UBE2K: variants seen among roughly 807,000 people sequenced by gnomAD.
UBE2K encodes the protein ubiquitin conjugating enzyme E2 K, also known as ubiquitin-conjugating enzyme E2 K.
In UBE2K, 6 loss-of-function variants were observed where a neutral mutation model predicts 30.0. The observed-to-expected ratio is 0.20, with a 90% CI of 0.11 to 0.39. The LOEUF (loss-of-function observed/expected upper bound fraction) is 0.39. Ranked by LOEUF, UBE2K falls within the 10% of genes least tolerant of loss-of-function variation. The probability of loss-of-function intolerance (pLI) is 1.00; values close to 1 mark genes in which losing one functional copy is unlikely to be tolerated. For synonymous variants in UBE2K, 86 were observed against 83.7 expected, an observed-to-expected ratio of 1.03 and a Z score of -0.15; for missense variants, 61 against 241.6, an observed-to-expected ratio of 0.25 and a Z score of 4.96.
At position 39,698,277 on chromosome 4, in the gene UBE2K, G is replaced by A. The variant is rs1385951028; in HGVS notation, c.-51G>A. 1.3e-6 allele frequency: 2 copies of A among 1,574,044 alleles called. No individual in the cohort carries two copies. Among genetic ancestry groups the A allele is most frequent in the Non-Finnish European group, 1.7e-6 (2 of 1,153,544 alleles). ...AGGAAGAGGTGGCGGCGGTGGCGGT[G>A]GTCGTAGCGGTGGCGGAGGAGGCGG... On this transcript the variant is annotated 5_prime_UTR_variant, in exon 1 of 7. Coordinates refer to ENST00000261427, the MANE Select transcript of UBE2K (RefSeq NM_005339.5).
intron 4 of UBE2K, among the ~76,000 whole-genome samples, chr4:39,768,276 C>CAAAAAAAAA (rs35596173): frequency 5.3e-5 from 6 of 113,548 alleles, no homozygotes; most frequent in African/African-American, 2.1e-4. Context: ...CCGTCTCTAC[C>CAAAAAAAAA]AAAAAAAAAA....
intron 4 of UBE2K, among the ~76,000 whole-genome samples, chr4:39,756,903 C>G (rs1410081033): frequency 6.6e-6 from 1 of 150,792 alleles, no homozygotes; most frequent in African/African-American, 2.4e-5. Context: ...GACTTGGAGC[C>G]AAAACTGTGT....
intron 4 of UBE2K, among the ~76,000 whole-genome samples, chr4:39,759,810 A>G (rs1374725724): frequency 6.6e-6 from 1 of 152,238 alleles, no homozygotes; most frequent in Non-Finnish European, 1.5e-5. Flanking sequence ...AGGGAAATGC[A>G]AATGAAAATC....
chr4:39,778,162 T>G (rs1415955063), intron 6 of UBE2K, among the ~76,000 whole-genome samples, 198 bp from the exon 7 acceptor site: 1 of 151,816 alleles, frequency 6.6e-6, no homozygotes, highest in African/African-American at 2.4e-5. Flanking sequence ...AAACATATTT[T>G]CTGTTTTCAA....
At chr4:39,750,612 T>G (rs1461155489) in intron 3 of UBE2K, among the ~76,000 whole-genome samples, 1 of 152,146 alleles carries the variant, frequency 6.6e-6, no homozygotes, top group African/African-American at 2.4e-5. Flanking sequence ...CAGGCTGGTC[T>G]CAAACTCATA....
At chr4:39,770,529 C>T (rs542446539) in intron 4 of UBE2K, 4 of 1,603,466 alleles carry the variant, frequency 2.5e-6, no homozygotes, top group East Asian at 2.2e-5. Flanking sequence ...CCCCGCCCCC[C>T]GGGCAACCAT....
intron 1 of UBE2K, among the ~76,000 whole-genome samples, chr4:39,707,253 C>T (rs1259756480): frequency 6.6e-6 from 1 of 151,830 alleles, no homozygotes; most frequent in Non-Finnish European, 1.5e-5. Context: ...CACTCTCTCA[C>T]CCAGGCTGGA....
chr4:39,769,213 GTT>G (rs60471860), intron 4 of UBE2K, among the ~76,000 whole-genome samples: 3,709 of 128,660 alleles, frequency 0.029, 149 homozygotes, highest in African/African-American at 0.1. Flanking sequence ...GTTTCTTTTT[GTT>G]TTTTTTTTTT....
At chr4:39,722,954 C>T (rs1320526515) in intron 1 of UBE2K, among the ~76,000 whole-genome samples, 1 of 151,920 alleles carries the variant, frequency 6.6e-6, no homozygotes, top group East Asian at 1.9e-4. Flanking sequence ...CACCACCACA[C>T]CCGGCTAATT....
intron 3 of UBE2K, among the ~76,000 whole-genome samples, chr4:39,753,213 A>AC (rs1340248044): frequency 6.6e-6 from 1 of 151,830 alleles, no homozygotes; most frequent in Non-Finnish European, 1.5e-5. Context: ...ATATGGTGAA[A>AC]CCCCCAACAC....
At chr4:39,778,281 A>G in intron 6 of UBE2K, 79 bp from the exon 7 acceptor site, 1 of 831,692 alleles carries the variant, frequency 1.2e-6, no homozygotes, top group Non-Finnish European at 1.9e-6. Flanking sequence ...GTTAATTCCC[A>G]GTATAAAGAG....
chr4:39,713,861 G>A lies in UBE2K; in HGVS notation c.63+15471G>A, dbSNP rs1468619378. On this transcript the variant is annotated intron_variant, in intron 1 of 6. Transcript: ENST00000261427. ...TTTGTTTAAAACCGAAACTCTGGAA[G>A]TTAAAAATAACATCCTTGCCCATGA... The A allele has an allele frequency of 2.6e-5, 4 of 151,490 alleles. No individual in the cohort carries two copies. In the East Asian group the frequency reaches 7.7e-4, roughly 29 times the overall value. 9.4% of individuals were successfully genotyped at this position (151,490 alleles called of 1,614,324 possible). A position where few individuals can be genotyped will look rare whatever the true frequency, so the allele number is the denominator to read the frequency against.
At chr4:39,760,206 A>C (rs1409601048) in intron 4 of UBE2K, among the ~76,000 whole-genome samples, 5 of 151,436 alleles carry the variant, frequency 3.3e-5, no homozygotes, top group Non-Finnish European at 7.4e-5. Context: ...AAAAAAAAAA[A>C]AAAACAAATA....
chr4:39,728,919 G>C (rs866198674), intron 1 of UBE2K, among the ~76,000 whole-genome samples: 3 of 148,440 alleles, frequency 2.0e-5, no homozygotes, highest in African/African-American at 7.4e-5. Flanking sequence ...CACCCGCCTC[G>C]GCCTCCCAAA....
Position 39,771,211 on chromosome 4 carries a change from T to C in UBE2K, c.300-3623T>C, listed in dbSNP as rs946171702. On this transcript the variant is annotated intron_variant, in intron 4 of 6. Transcript: ENST00000261427. ...CAGGTCGGCCACGATGCGTGCACTGTGCATCAGGGAGACCTGCAGCTCCGA... is the reference window on the plus strand; with the variant it reads ...CAGGTCGGCCACGATGCGTGCACTGCGCATCAGGGAGACCTGCAGCTCCGA... The C allele has an allele frequency of 3.5e-5, 57 of 1,612,590 alleles. 1 individual carries two copies. The highest frequency in any genetic ancestry group is 3.5e-4 in the Middle Eastern group (2 of 5,758).
chr4:39,728,818 G>GTTTTTT (rs150967559), intron 1 of UBE2K, among the ~76,000 whole-genome samples: 1 of 129,908 alleles, frequency 7.7e-6, no homozygotes, highest in Non-Finnish European at 1.8e-5. Context: ...GGTTTTTTTT[G>GTTTTTT]TTTTTTTTGT....
chr4:39,731,774 A>G (rs1560354469), intron 1 of UBE2K, among the ~76,000 whole-genome samples: 1 of 152,240 alleles, frequency 6.6e-6, no homozygotes, highest in Non-Finnish European at 1.5e-5. Flanking sequence ...AATAATGGCA[A>G]CTGTTAAGCT....
At chr4:39,774,692 A>C in intron 4 of UBE2K, 142 bp from the exon 5 acceptor site, 1 of 417,726 alleles carries the variant, frequency 2.4e-6, no homozygotes, top group African/African-American at 2.0e-5. Context: ...ATAATTATAA[A>C]TGTCTATGAC....
At chr4:39,715,847 T>TTTAA (rs1369311217) in intron 1 of UBE2K, among the ~76,000 whole-genome samples, 1 of 42,112 alleles carries the variant, frequency 2.4e-5, no homozygotes, top group Non-Finnish European at 3.9e-5. Flanking sequence ...ACCCGTTTTT[T>TTTAA]TTTATTTATT....
Sources: gnomAD v4.1 joint callset for allele counts (sites outside exome capture counted in the v4.1 genomes callset) on GRCh38, gnomAD v4.1.1 for gene constraint, MANE v1.5 for transcripts, NCBI Gene and HGNC (gene_info 2026-07-23, HGNC 2026-07-21) for gene names.